Variants in CNTNAP2 observed in about 807,000 individuals in gnomAD.
The protein encoded by CNTNAP2 is contactin-associated protein-like 2.
A neutral mutation model predicts 155.2 loss-of-function variants in CNTNAP2; 98 were observed. The observed-to-expected ratio is 0.63, with a 90% confidence interval of 0.54 to 0.75. The LOEUF (loss-of-function observed/expected upper bound fraction) is 0.75, where lower values mean the gene tolerates loss of function less well. Ranked by LOEUF, CNTNAP2 falls within the 30% of genes least tolerant of loss-of-function variation. The probability of loss-of-function intolerance (pLI) is 0.00; values close to 1 mark genes in which losing one functional copy is unlikely to be tolerated. For synonymous variants in CNTNAP2, 651 were observed against 631.2 expected (o/e 1.03, Z -0.47); for missense variants, 1,727 against 1,688.1 (o/e 1.02, Z -0.40).
intron 12 of CNTNAP2, among the ~76,000 whole-genome samples, chr7:147,589,806 A>G (rs998862933): frequency 2.0e-5 from 3 of 152,206 alleles, no homozygotes; most frequent in Admixed American, 6.6e-5. Flanking sequence ...GTATATACTT[A>G]GCAAGAATTT....
intron 19 of CNTNAP2, among the ~76,000 whole-genome samples, chr7:148,217,970 C>T (rs112507998): frequency 6.6e-6 from 1 of 152,206 alleles, no homozygotes; most frequent in East Asian, 1.9e-4. Context: ...ACAAAAAATA[C>T]AAAAATTAGC....
intron 1 of CNTNAP2, among the ~76,000 whole-genome samples, chr7:146,621,255 C>T (rs921428213): frequency 5.9e-5 from 9 of 152,168 alleles, no homozygotes; most frequent in Non-Finnish European, 1.3e-4. Context: ...ATAGAGTTCA[C>T]ATTCCCGTTA....
intron 18 of CNTNAP2, among the ~76,000 whole-genome samples, chr7:148,188,611 T>C (rs1795158458): frequency 1.3e-5 from 2 of 152,316 alleles, no homozygotes; most frequent in South Asian, 4.1e-4. Context: ...TCTACTAAGA[T>C]CCAGAATCCA....
At chr7:148,295,827 A>T (rs1467868511) in intron 21 of CNTNAP2, among the ~76,000 whole-genome samples, 5 of 148,862 alleles carry the variant, frequency 3.4e-5, no homozygotes, top group African/African-American at 1.0e-4. Flanking sequence ...AGAGGATAAA[A>T]GAGGAGGAAA....
intron 10 of CNTNAP2, among the ~76,000 whole-genome samples, chr7:147,405,407 C>T (rs1182034220): frequency 1.3e-5 from 2 of 152,126 alleles, no homozygotes; most frequent in African/African-American, 2.4e-5. Flanking sequence ...CATTTAACTG[C>T]TCTCCCCTAA....
At chr7:146,955,528 T>G (rs1797415314) in intron 3 of CNTNAP2, among the ~76,000 whole-genome samples, 2 of 152,006 alleles carry the variant, frequency 1.3e-5, no homozygotes, top group Non-Finnish European at 2.9e-5. Context: ...GACTACAGTG[T>G]GCCTCACTAA....
chr7:146,585,985 A>T (rs1390538791), intron 1 of CNTNAP2, among the ~76,000 whole-genome samples: 2 of 151,156 alleles, frequency 1.3e-5, no homozygotes, highest in Admixed American at 1.3e-4. Context: ...AGCCTGGGTG[A>T]CAAAGTGAGG....
At chr7:147,398,291 T>A (rs17170475) in intron 10 of CNTNAP2, among the ~76,000 whole-genome samples, 1,564 of 152,114 alleles carry the variant, frequency 0.01, 31 homozygotes, top group African/African-American at 0.035. Context: ...CTGCCCCGTA[T>A]CTACAACTTT....
At chr7:147,131,015 A>G (rs1166101065) in intron 7 of CNTNAP2, among the ~76,000 whole-genome samples, 1 of 143,066 alleles carries the variant, frequency 7.0e-6, no homozygotes, top group African/African-American at 2.5e-5. Context: ...AATGGAAGAA[A>G]TCAGCATCAG....
chr7:147,481,668 T>A (rs1798425095), intron 10 of CNTNAP2, among the ~76,000 whole-genome samples: 1 of 152,212 alleles, frequency 6.6e-6, no homozygotes, highest in African/African-American at 2.4e-5. Context: ...ATGAGTTCGA[T>A]GGAGAAGGCA....
chr7:147,636,115 G>A (rs1335214359), intron 12 of CNTNAP2, among the ~76,000 whole-genome samples: 1 of 152,158 alleles, frequency 6.6e-6, no homozygotes, highest in Admixed American at 6.5e-5. Flanking sequence ...TGGCTTCTTT[G>A]CTTATCAGAA....
At position 146,136,045 on chromosome 7, in the gene CNTNAP2, T is replaced by C. The variant is rs186568943; in HGVS notation, c.97+19072T>C. On this transcript the variant is annotated intron_variant, in intron 1 of 23. Coordinates refer to ENST00000361727, the MANE Select transcript of CNTNAP2 (RefSeq NM_014141.6). ...CCCCCAATTATATTGTGTGATGTCATGTTTGTAAAGCACACATTCATTTAC... is the reference window on the plus strand; with the variant it reads ...CCCCCAATTATATTGTGTGATGTCACGTTTGTAAAGCACACATTCATTTAC... Among the ~76,000 whole-genome samples the C allele has an allele frequency of 4.0e-3, 603 of 152,308 alleles. 4 individuals carry two copies. Among genetic ancestry groups the C allele is most frequent in the Middle Eastern group, 0.017 (5 of 294 alleles).
chr7:146,253,011 T>C (rs1481363720), intron 1 of CNTNAP2, among the ~76,000 whole-genome samples: 1 of 152,156 alleles, frequency 6.6e-6, no homozygotes, highest in African/African-American at 2.4e-5. Flanking sequence ...TCAAAATAAA[T>C]ATGAGAAAAA....
chr7:146,622,243 ATATCTATCTATC>A (rs71165020), intron 1 of CNTNAP2, among the ~76,000 whole-genome samples: 52,173 of 144,220 alleles, frequency 0.36, 10,576 homozygotes, highest in South Asian at 0.51. Flanking sequence ...ATGTGTGTGT[ATATCTATCTATC>A]TATCTATCTA....
At chr7:146,634,353 T>C (rs1268117124) in intron 1 of CNTNAP2, among the ~76,000 whole-genome samples, 1 of 152,172 alleles carries the variant, frequency 6.6e-6, no homozygotes, top group African/African-American at 2.4e-5. Context: ...AATTAGAACA[T>C]TAATGAAAAC....
At chr7:147,303,319 G>C (rs1481748733) in intron 9 of CNTNAP2, among the ~76,000 whole-genome samples, 1 of 152,190 alleles carries the variant, frequency 6.6e-6, no homozygotes, top group East Asian at 1.9e-4. Flanking sequence ...TAGAGGACTT[G>C]TTGATTCAGT....
At chr7:146,993,122 G>A (rs1208986474) in intron 3 of CNTNAP2, among the ~76,000 whole-genome samples, 1 of 152,164 alleles carries the variant, frequency 6.6e-6, no homozygotes, top group Non-Finnish European at 1.5e-5. Context: ...AAGCTTTAGC[G>A]AAGGAATGAA....
At chr7:148,410,490 C>A (rs1309975774) in intron 23 of CNTNAP2, among the ~76,000 whole-genome samples, 1 of 144,712 alleles carries the variant, frequency 6.9e-6, no homozygotes, top group Admixed American at 7.7e-5. Context: ...TTGCTTGAGC[C>A]TGGGAGGTAG....
chr7:148,267,421 A>G (rs1796692256), intron 21 of CNTNAP2, among the ~76,000 whole-genome samples: 1 of 152,010 alleles, frequency 6.6e-6, no homozygotes, highest in Non-Finnish European at 1.5e-5. Flanking sequence ...TTGGGAGGCT[A>G]AGGCTGGTGG....
Sources: gnomAD v4.1 joint callset for allele counts (sites outside exome capture counted in the v4.1 genomes callset) on GRCh38, gnomAD v4.1.1 for gene constraint, MANE v1.5 for transcripts, NCBI Gene and HGNC (gene_info 2026-07-23, HGNC 2026-07-21) for gene names.